The following NKAIN2 variants were observed in gnomAD, a reference collection of about 807,000 sequenced individuals.
NKAIN2 encodes sodium/potassium-transporting ATPase subunit beta-1-interacting protein 2.
In NKAIN2, 14 loss-of-function variants were observed where a neutral mutation model predicts 32.6. The ratio of observed to expected loss-of-function variants is 0.43; its 90% CI spans 0.28 to 0.67. NKAIN2 has a LOEUF of 0.67. NKAIN2 is among the 30% of genes least tolerant of loss of function. NKAIN2 has a pLI of 0.17. For missense variants in NKAIN2, 198 were observed against 258.3 expected (o/e 0.77, Z 1.60); for synonymous variants, 80 against 87.2 (o/e 0.92, Z 0.46).
intron 1 of NKAIN2, among the ~76,000 whole-genome samples, chr6:124,184,519 A>T (rs1789608113): frequency 6.6e-6 from 1 of 152,154 alleles, no homozygotes; most frequent in South Asian, 2.1e-4. Context: ...TGGTGAAGAT[A>T]TAGCTGGTAT....
chr6:123,968,653 G>T (rs1778201849), intron 1 of NKAIN2, among the ~76,000 whole-genome samples: 1 of 152,104 alleles, frequency 6.6e-6, no homozygotes, highest in Non-Finnish European at 1.5e-5. Context: ...GCTACTCTAT[G>T]GCTCACAGTG....
Position 124,540,798 on chromosome 6 carries a change from A to G in NKAIN2, c.274-117388A>G, listed in dbSNP as rs551460184. ...TAATATTTAATAAATTACATGAGATATTCAACACTTTATTATAAAATAGGC... is the reference window on the plus strand; with the variant it reads ...TAATATTTAATAAATTACATGAGATGTTCAACACTTTATTATAAAATAGGC... On this transcript the variant is annotated intron_variant, in intron 3 of 6. Transcript: ENST00000368417. Among the ~76,000 whole-genome samples the G allele has an allele frequency of 1.8e-4, 27 of 152,338 alleles. No homozygotes were observed. In the South Asian group the frequency reaches 4.6e-3, roughly 26 times the overall value.
intron 4 of NKAIN2, among the ~76,000 whole-genome samples, chr6:124,784,258 T>C (rs1269353929): frequency 2.0e-5 from 3 of 152,244 alleles, no homozygotes; most frequent in African/African-American, 7.2e-5. Flanking sequence ...CCAAATAGTA[T>C]TACCTTGCAA....
intron 1 of NKAIN2, among the ~76,000 whole-genome samples, chr6:124,261,027 C>T (rs1179018012): frequency 6.6e-6 from 1 of 152,144 alleles, no homozygotes; most frequent in African/African-American, 2.4e-5. Flanking sequence ...AAGAAATTCT[C>T]ATTTCAGAAG....
At chr6:124,499,517 C>A (rs1197592108) in intron 3 of NKAIN2, among the ~76,000 whole-genome samples, 1 of 152,046 alleles carries the variant, frequency 6.6e-6, no homozygotes, top group South Asian at 2.1e-4. Context: ...ATCTTTGGGG[C>A]AACTCAGAAA....
In NKAIN2 at chr6:124,463,906, C is replaced by T. The variant is rs550638622; in HGVS notation, c.273+108559C>T. On this transcript the variant is annotated intron_variant, in intron 3 of 6. Transcript: ENST00000368417. Reference sequence around the variant, plus strand: ...ATATGATCTTTAGAAATGTCTAAAACGTCTATTTAGCTATTTGTAACCTCT... The same window carrying T: ...ATATGATCTTTAGAAATGTCTAAAATGTCTATTTAGCTATTTGTAACCTCT... Among the ~76,000 whole-genome samples the T allele has an allele frequency of 3.9e-5, 6 of 152,130 alleles. No individual in the cohort carries two copies. In the South Asian group the frequency reaches 6.2e-4, roughly 16 times the overall value.
At chr6:124,437,871 G>GGTTTTTTTTTTTTTTTTTTTTTTTT (rs751652394) in intron 3 of NKAIN2, 3 of 328,788 alleles carry the variant, frequency 9.1e-6, no homozygotes, top group Non-Finnish European at 5.8e-6. Flanking sequence ...CTGATCTATT[G>GGTTTTTTTTTTTTTTTTTTTTTTTT]ATTTTTTTTT....
chr6:124,585,529 A>C (rs985317950), intron 3 of NKAIN2, among the ~76,000 whole-genome samples: 1 of 152,226 alleles, frequency 6.6e-6, no homozygotes, highest in South Asian at 2.1e-4. Context: ...TTGTCTGCCT[A>C]CATCAAAATA....
At chr6:123,873,951 T>A (rs34733096) in intron 1 of NKAIN2, among the ~76,000 whole-genome samples, 1 of 149,070 alleles carries the variant, frequency 6.7e-6, no homozygotes, top group Non-Finnish European at 1.5e-5. Flanking sequence ...TTATTTATTG[T>A]TAAAACAATG....
chr6:124,028,876 T>A (rs559941979), intron 1 of NKAIN2, among the ~76,000 whole-genome samples: 1 of 39,238 alleles, frequency 2.5e-5, no homozygotes, highest in African/African-American at 7.1e-5. Context: ...CACATATATG[T>A]ATATATATGT....
intron 3 of NKAIN2, among the ~76,000 whole-genome samples, chr6:124,600,773 A>G (rs968666079): frequency 1.5e-4 from 23 of 152,086 alleles, no homozygotes; most frequent in African/African-American, 5.1e-4. Flanking sequence ...AAACATTTTT[A>G]TGGTTAAAAA....
chr6:124,735,422 T>C (rs1562354144), intron 4 of NKAIN2, among the ~76,000 whole-genome samples: 1 of 152,012 alleles, frequency 6.6e-6, no homozygotes, highest in Non-Finnish European at 1.5e-5. Flanking sequence ...AATTACTTTA[T>C]AAATTTTATT....
At chr6:124,411,849 A>T (rs1774201898) in intron 3 of NKAIN2, among the ~76,000 whole-genome samples, 1 of 152,186 alleles carries the variant, frequency 6.6e-6, no homozygotes, top group African/African-American at 2.4e-5. Context: ...CTTTTCACGT[A>T]GTTCCATATT....
At chr6:124,347,645 C>A (rs1381831534) in intron 2 of NKAIN2, among the ~76,000 whole-genome samples, 1 of 152,332 alleles carries the variant, frequency 6.6e-6, no homozygotes, top group Admixed American at 6.5e-5. Context: ...GAGGCTTCTG[C>A]ATTCTTCACG....
At chr6:124,371,651 G>A (rs536068007) in intron 3 of NKAIN2, among the ~76,000 whole-genome samples, 6 of 134,546 alleles carry the variant, frequency 4.5e-5, no homozygotes, top group South Asian at 2.3e-4. Flanking sequence ...CCAAGATTGC[G>A]CCACTGCACT....
At chr6:124,280,214 A>G (rs1199913804) in intron 1 of NKAIN2, among the ~76,000 whole-genome samples, 1 of 152,192 alleles carries the variant, frequency 6.6e-6, no homozygotes, top group African/African-American at 2.4e-5. Flanking sequence ...TAACACTGAG[A>G]TGGGTTAAAA....
chr6:123,898,305 A>T (rs1223473960), intron 1 of NKAIN2, among the ~76,000 whole-genome samples: 1 of 152,168 alleles, frequency 6.6e-6, no homozygotes, highest in Non-Finnish European at 1.5e-5. Flanking sequence ...TTAAAAAAAT[A>T]AATTTGTACT....
intron 1 of NKAIN2, among the ~76,000 whole-genome samples, chr6:123,911,825 A>ACG (rs1354701675): frequency 7.3e-6 from 1 of 136,500 alleles, no homozygotes; most frequent in African/African-American, 2.9e-5. Flanking sequence ...ACACACACAC[A>ACG]CACACACACA....
rs114578640 is a variant in NKAIN2 at position 124,475,137 on chromosome 6, G to A, written c.273+119790G>A. On this transcript the variant is annotated intron_variant, in intron 3 of 6. Transcript: ENST00000368417. Reference sequence around the variant, plus strand: ...TGATGGATTTCTCAAGCCATAAGAGGGCAACTGATTTTGATGAGAACAGAA... The same window carrying A: ...TGATGGATTTCTCAAGCCATAAGAGAGCAACTGATTTTGATGAGAACAGAA... 7.7e-3 allele frequency among the ~76,000 whole-genome samples: 1,175 copies of A among 151,864 alleles called. 15 individuals are homozygous for A. Among genetic ancestry groups the A allele is most frequent in the African/African-American group, 0.027 (1,125 of 41,460 alleles).
Sources: gnomAD v4.1 joint callset for allele counts (sites outside exome capture counted in the v4.1 genomes callset) on GRCh38, gnomAD v4.1.1 for gene constraint, MANE v1.5 for transcripts, NCBI Gene and HGNC (gene_info 2026-07-23, HGNC 2026-07-21) for gene names.